Variants in PTPRB observed in about 807,000 individuals in gnomAD.
PTPRB encodes the protein receptor-type tyrosine-protein phosphatase beta.
Under a neutral mutation model 238.1 loss-of-function variants are expected in PTPRB, and 97 were observed. The ratio of observed to expected loss-of-function variants is 0.41; its 90% confidence interval spans 0.35 to 0.48. PTPRB has a LOEUF of 0.48. Ranked by LOEUF, PTPRB falls within the 20% of genes least tolerant of loss-of-function variation. The probability of loss-of-function intolerance (pLI) is 0.30; values close to 1 mark genes in which losing one functional copy is unlikely to be tolerated. For synonymous variants in PTPRB, 970 were observed against 995.4 expected, an observed-to-expected ratio of 0.97 and a Z score of 0.48; for missense variants, 2,292 against 2,681.9, an observed-to-expected ratio of 0.85 and a Z score of 3.21.
chr12:70,594,516 C>T lies in PTPRB; in HGVS notation c.1467G>A (p.Met489Ile), dbSNP rs368898957. 5 of 1,613,808 alleles carry T rather than the reference C, an allele frequency of 3.1e-6. No homozygotes were observed. In the African/African-American group the frequency reaches 6.7e-5, roughly 22 times the overall value. ...TPGYLYNLTV[M>I]TEAAGLQNYR... ...AGTTTTGCAGCCCTGCAGCCTCAGT[C>T]ATAACAGTGAGGTTGTAGAGGTAGC... The change falls in exon 6 of 34, where the codon ATG becomes ATA. Residue 489 changes from methionine to isoleucine, a missense_variant. This residue lies in a region of PTPRB where 1,205 missense variants were observed against 1,287.8 expected (regional missense o/e 0.94). Transcript: ENST00000334414.
chr12:70,616,779 C>A (rs1884698477), intron 3 of PTPRB, among the ~76,000 whole-genome samples: 1 of 152,136 alleles, frequency 6.6e-6, no homozygotes, highest in Admixed American at 6.5e-5. Context: ...ACCAATGTGG[C>A]AGAGAAATAC....
intron 4 of PTPRB, among the ~76,000 whole-genome samples, chr12:70,605,125 C>G (rs1168837834): frequency 6.6e-6 from 1 of 152,032 alleles, no homozygotes; most frequent in Non-Finnish European, 1.5e-5. Flanking sequence ...TTTTATTTTT[C>G]TAGGCTGACT....
intron 4 of PTPRB, 61 bp downstream of exon 4, chr12:70,609,008 T>C (rs1279771140): frequency 1.9e-6 from 3 of 1,548,984 alleles, no homozygotes; most frequent in Non-Finnish European, 2.6e-6. Flanking sequence ...AACACCAGCT[T>C]GAAAAGGCAG....
At position 70,587,062 on chromosome 12, in the gene PTPRB, T is replaced by C. The variant is rs1297916263; in HGVS notation, c.2256A>G (p.Thr752=). ...TTAAGTCTCCACTAATACTGGTGAC[T>C]GTAGCCATGTATTTTCGTCCAGGCA... ...DLVPGRKYMA[T]VTSISGDLKN... is the part of the protein sequence containing the mutation. The change falls in exon 9 of 34, where the codon ACA becomes ACG. Residue 752 remains threonine (T), a synonymous_variant. Coordinates refer to ENST00000334414, the MANE Select transcript of PTPRB (RefSeq NM_001109754.4). 5 of 1,613,764 alleles carry C rather than the reference T, an allele frequency of 3.1e-6. No homozygotes were observed. Among genetic ancestry groups the C allele is most frequent in the African/African-American group, 1.3e-5 (1 of 74,938 alleles).
At chr12:70,629,113 T>C (rs1172311272) in intron 2 of PTPRB, among the ~76,000 whole-genome samples, 1 of 152,152 alleles carries the variant, frequency 6.6e-6, no homozygotes, top group Non-Finnish European at 1.5e-5. Context: ...ACTATTAATA[T>C]GATAAACTCT....
chr12:70,540,825 G>T, intron 23 of PTPRB, 33 bp downstream of exon 23: 2 of 1,482,382 alleles, frequency 1.3e-6, no homozygotes, highest in South Asian at 1.2e-5. Flanking sequence ...TTAAAGTTGT[G>T]GGTCCAATCA....
chr12:70,625,875 T>C (rs972355960), intron 2 of PTPRB, among the ~76,000 whole-genome samples: 66 of 152,184 alleles, frequency 4.3e-4, no homozygotes, highest in African/African-American at 1.6e-3. Flanking sequence ...TAAAAAGTTT[T>C]AGCATTTAAG....
In PTPRB at chr12:70,519,745, T is replaced by C. The variant is rs1871474370; in HGVS notation, c.*1744A>G. The C allele has an allele frequency of 6.5e-6, 1 of 153,006 alleles. No homozygotes were observed. Among genetic ancestry groups the C allele is most frequent in the African/African-American group, 2.4e-5 (1 of 41,472 alleles). 9.5% of individuals were successfully genotyped at this position (153,006 alleles called of 1,614,324 possible). ...TTACACATATGTTGTTCCTTTTCAT[T>C]TCCAGAAGATTCACTTAGTTCCTTG... On this transcript the variant is annotated 3_prime_UTR_variant, in exon 34 of 34. Transcript: ENST00000334414.
At chr12:70,620,671 T>C (rs765578404) in intron 3 of PTPRB, among the ~76,000 whole-genome samples, 3 of 152,200 alleles carry the variant, frequency 2.0e-5, no homozygotes, top group Non-Finnish European at 4.4e-5. Context: ...GTGGTGATAC[T>C]ATTCAGCCAT....
intron 32 of PTPRB, among the ~76,000 whole-genome samples, chr12:70,531,287 T>C (rs1565904197): frequency 1.3e-5 from 2 of 150,486 alleles, no homozygotes; most frequent in South Asian, 2.1e-4. Flanking sequence ...TGTAGAACTT[T>C]TTACTTTTCC....
intron 2 of PTPRB, among the ~76,000 whole-genome samples, chr12:70,629,658 C>G (rs959289122): frequency 1.3e-5 from 2 of 152,124 alleles, no homozygotes; most frequent in African/African-American, 4.8e-5. Flanking sequence ...AATCCAGGAG[C>G]TGTTATTTTG....
rs1195438756 is a variant in PTPRB at position 70,594,598 on chromosome 12, T to C, written c.1385A>G (p.His462Arg). 3.1e-6 allele frequency: 5 copies of C among 1,614,000 alleles called. No homozygotes were observed. The highest frequency in any genetic ancestry group is 2.2e-5 in the East Asian group (1 of 44,870). ...LMLMDKGILV[H>R]GGVVDKHATS... ...AGCATGTTTGTCCACAACACCGCCA[T>C]GAACTAGGATCCCTTTATCCATTAG... The change falls in exon 6 of 34, where the codon CAT becomes CGT. Residue 462 changes from histidine (H) to arginine (R), a missense_variant. His to Arg is a conservative substitution (Grantham distance 29). Transcript: ENST00000334414.
chr12:70,549,163 T>C (rs1018896750), intron 21 of PTPRB, among the ~76,000 whole-genome samples: 1 of 152,240 alleles, frequency 6.6e-6, no homozygotes, highest in African/African-American at 2.4e-5. Context: ...TATAGAAAGA[T>C]AATTATGAAT....
At chr12:70,562,813 C>T (rs777214816) in intron 16 of PTPRB, 31 bp downstream of exon 16, 30 of 1,601,170 alleles carry the variant, frequency 1.9e-5, no homozygotes, top group South Asian at 1.3e-4. Context: ...AATTCCCCCA[C>T]GATTCATTAC....
chr12:70,594,162 C>T (rs1170809991), intron 6 of PTPRB, among the ~76,000 whole-genome samples: 1 of 151,962 alleles, frequency 6.6e-6, no homozygotes, highest in East Asian at 1.9e-4. Context: ...ACAGCAGTTG[C>T]CTGTTTAAGA....
chr12:70,589,122 C>G (rs920324657), intron 8 of PTPRB, among the ~76,000 whole-genome samples: 1 of 152,064 alleles, frequency 6.6e-6, no homozygotes, highest in Non-Finnish European at 1.5e-5. Context: ...TACTAAAAGT[C>G]GCTTAGTTTA....
intron 3 of PTPRB, among the ~76,000 whole-genome samples, chr12:70,617,642 C>T (rs1884739599): frequency 6.6e-6 from 1 of 152,188 alleles, no homozygotes; most frequent in Non-Finnish European, 1.5e-5. Context: ...AGGAGGTTAT[C>T]CCAGACTTGC....
At position 70,557,200 on chromosome 12, in the gene PTPRB, G is replaced by A. The variant is rs191817313; in HGVS notation, c.4715-1052C>T. 2.4e-4 allele frequency among the ~76,000 whole-genome samples: 37 copies of A among 152,258 alleles called. 1 individual carries two copies. The highest frequency in any genetic ancestry group is 2.0e-3 in the Admixed American group (30 of 15,294). ...CCCAGGTACCAAAGGAGGAGGTGCCGGAGTGGGATGGTAGAAAATTGAGAA... is the reference window on the plus strand; with the variant it reads ...CCCAGGTACCAAAGGAGGAGGTGCCAGAGTGGGATGGTAGAAAATTGAGAA... On this transcript the variant is annotated intron_variant, in intron 18 of 33. Coordinates refer to ENST00000334414, the MANE Select transcript of PTPRB (RefSeq NM_001109754.4).
At chr12:70,545,196 G>A (rs1875779736) in intron 21 of PTPRB, among the ~76,000 whole-genome samples, 1 of 152,172 alleles carries the variant, frequency 6.6e-6, no homozygotes, top group Non-Finnish European at 1.5e-5. Flanking sequence ...GAAGAATGGA[G>A]GTGTCACCTA....
Sources: allele counts gnomAD v4.1 joint callset (sites outside exome capture counted in the v4.1 genomes callset), GRCh38; gene constraint gnomAD v4.1.1; regional missense constraint gnomAD v4.1.1; transcripts MANE v1.5; gene names NCBI Gene and HGNC (gene_info 2026-07-23, HGNC 2026-07-21).